The following CALN1 variants were observed in gnomAD, a reference collection of about 807,000 sequenced individuals.
CALN1 encodes calcium-binding protein 8.
In CALN1, 17 loss-of-function variants were observed where a neutral mutation model predicts 30.6. That is an observed-to-expected ratio of 0.56 (90% CI 0.38 to 0.83). The LOEUF (loss-of-function observed/expected upper bound fraction) is 0.83. Ranked by LOEUF, CALN1 falls within the 40% of genes least tolerant of loss-of-function variation. The pLI, the probability that CALN1 is intolerant of heterozygous loss-of-function variation, is 0.00. For synonymous variants in CALN1, 156 were observed against 131.4 expected (o/e 1.19, Z -1.28); for missense variants, 291 against 354.9 (o/e 0.82, Z 1.45).
chr7:72,052,529 G>C (rs1802903690), intron 4 of CALN1, among the ~76,000 whole-genome samples: 1 of 152,122 alleles, frequency 6.6e-6, no homozygotes, highest in Non-Finnish European at 1.5e-5. Flanking sequence ...CGTGTCTCCT[G>C]CTCCTGGGTG....
intron 4 of CALN1, among the ~76,000 whole-genome samples, chr7:72,086,682 C>T (rs527394709): frequency 1.3e-5 from 2 of 152,304 alleles, no homozygotes; most frequent in South Asian, 2.1e-4. Context: ...GATCCACCTG[C>T]CTCAGCCTCC....
the CALN1 span, among the ~76,000 whole-genome samples, chr7:72,481,816 T>C: frequency 4.6e-5 from 7 of 152,188 alleles, no homozygotes; most frequent in Admixed American, 2.6e-4. Context: ...CTAATTTAAC[T>C]TCATTTTGGT....
At chr7:71,925,284 C>A (rs1011184747) in intron 5 of CALN1, among the ~76,000 whole-genome samples, 3 of 151,234 alleles carry the variant, frequency 2.0e-5, no homozygotes, top group Middle Eastern at 3.4e-3. Flanking sequence ...AGCAAGCAAG[C>A]AAGAAAAGAA....
At chr7:71,992,351 A>AT (rs201415549) in intron 5 of CALN1, among the ~76,000 whole-genome samples, 2,700 of 151,466 alleles carry the variant, frequency 0.018, 81 homozygotes, top group African/African-American at 0.061. Context: ...AGACTTTCAC[A>AT]TTTTTTTTTA....
chr7:71,819,432 G>A (rs1186482447), intron 5 of CALN1, among the ~76,000 whole-genome samples: 2 of 151,976 alleles, frequency 1.3e-5, no homozygotes, highest in East Asian at 1.9e-4. Flanking sequence ...TCGAACTCCC[G>A]ACCTCAAGTG....
At chr7:71,894,976 A>G (rs957629799) in intron 5 of CALN1, among the ~76,000 whole-genome samples, 7 of 152,052 alleles carry the variant, frequency 4.6e-5, no homozygotes, top group African/African-American at 9.7e-5. Flanking sequence ...TTTTTTGGAG[A>G]CAGGGTCTTG....
intron 2 of CALN1, among the ~76,000 whole-genome samples, chr7:72,317,762 G>C (rs936063420): frequency 6.6e-6 from 1 of 152,160 alleles, no homozygotes; most frequent in Non-Finnish European, 1.5e-5. Flanking sequence ...CTAAGAAAAA[G>C]AACTCAATGT....
intron 3 of CALN1, among the ~76,000 whole-genome samples, chr7:72,247,811 C>G (rs913245602): frequency 6.6e-6 from 1 of 152,058 alleles, no homozygotes; most frequent in East Asian, 1.9e-4. Context: ...CTGGGCAATA[C>G]AGCAAGACCC....
chr7:72,087,747 GC>G (rs762968433), intron 4 of CALN1, among the ~76,000 whole-genome samples: 9 of 152,288 alleles, frequency 5.9e-5, no homozygotes, highest in African/African-American at 9.6e-5. Flanking sequence ...GTATTGGAAG[GC>G]CATAGCCCAG....
intron 2 of CALN1, among the ~76,000 whole-genome samples, chr7:72,322,557 C>T (rs542493744): frequency 1.3e-5 from 2 of 151,928 alleles, no homozygotes; most frequent in Non-Finnish European, 2.9e-5. Flanking sequence ...ATAAACCAGG[C>T]ACAGAAAGAC....
intron 5 of CALN1, among the ~76,000 whole-genome samples, chr7:71,980,187 CTTTTTTT>C (rs60273576): frequency 1.7e-4 from 18 of 107,268 alleles, no homozygotes; most frequent in Non-Finnish European, 3.6e-4. Context: ...TCTTCTTTTT[CTTTTTTT>C]TTTTTTTTTT....
chr7:71,988,522 T>C (rs1399016478), intron 5 of CALN1, among the ~76,000 whole-genome samples: 2 of 152,226 alleles, frequency 1.3e-5, no homozygotes, highest in Admixed American at 6.5e-5. Flanking sequence ...CTCCGACACA[T>C]GGCTGAATTA....
At chr7:72,020,855 G>GT (rs1232088871) in intron 5 of CALN1, among the ~76,000 whole-genome samples, 1 of 152,216 alleles carries the variant, frequency 6.6e-6, no homozygotes, top group East Asian at 1.9e-4. Flanking sequence ...GAGTAGGAGT[G>GT]TAGATTAAGT....
chr7:71,890,745 GCT>G (rs1491147455), intron 5 of CALN1, among the ~76,000 whole-genome samples: 5 of 72,578 alleles, frequency 6.9e-5, no homozygotes, highest in Non-Finnish European at 1.4e-4. Flanking sequence ...TTGTTTTCTA[GCT>G]TTTTTTTTTT....
chr7:72,102,702 C>G (rs1015115061), intron 4 of CALN1, among the ~76,000 whole-genome samples: 19 of 152,060 alleles, frequency 1.2e-4, no homozygotes, highest in African/African-American at 4.6e-4. Flanking sequence ...CCAGCAGAAG[C>G]AACTATAGAG....
chr7:71,900,166 G>A (rs773396578), intron 5 of CALN1, among the ~76,000 whole-genome samples: 11 of 151,988 alleles, frequency 7.2e-5, no homozygotes, highest in Admixed American at 2.0e-4. Flanking sequence ...TGAATATTAC[G>A]GCTTTTATAG....
At chr7:72,487,913 A>AAGGAAGGAAGGAAGGAAG in the CALN1 span, among the ~76,000 whole-genome samples, 1 of 76,234 alleles carries the variant, frequency 1.3e-5, no homozygotes, top group Admixed American at 1.3e-4. Context: ...AAAGAAAGAA[A>AAGGAAGGAAGGAAGGAAG]GAAAGAAGGA....
intron 5 of CALN1, among the ~76,000 whole-genome samples, chr7:71,886,440 T>C (rs775636062): frequency 1.6e-4 from 24 of 152,226 alleles, no homozygotes; most frequent in Non-Finnish European, 2.8e-4. Flanking sequence ...TAAAGCTTCA[T>C]GTGCTCTTTC....
chr7:72,117,300 G>C (rs1470174583), intron 3 of CALN1, among the ~76,000 whole-genome samples: 2 of 152,150 alleles, frequency 1.3e-5, no homozygotes, highest in African/African-American at 4.8e-5. Flanking sequence ...CAGAAGAAAG[G>C]AATGCTTGAG....
Sources: allele counts gnomAD v4.1 joint callset (sites outside exome capture counted in the v4.1 genomes callset), GRCh38; gene constraint gnomAD v4.1.1; transcripts MANE v1.5; gene names NCBI Gene and HGNC (gene_info 2026-07-23, HGNC 2026-07-21).